Variants in HAPLN1 observed in about 807,000 individuals in gnomAD.
The protein encoded by HAPLN1 is Cartilage link protein.
In HAPLN1, 13 loss-of-function variants were observed where a neutral mutation model predicts 36.5. The observed-to-expected ratio is 0.36, with a 90% CI of 0.23 to 0.57. The LOEUF (loss-of-function observed/expected upper bound fraction) is 0.57, where lower values mean the gene tolerates loss of function less well. Ranked by LOEUF, HAPLN1 falls within the 20% of genes least tolerant of loss-of-function variation. The pLI, the probability that HAPLN1 is intolerant of heterozygous loss-of-function variation, is 0.83. For synonymous variants in HAPLN1, 202 were observed against 169.8 expected (o/e 1.19, Z -1.48); for missense variants, 407 against 439.7 (o/e 0.93, Z 0.66).
Position 83,688,642 on chromosome 5 carries a change from C to CTTTTTTTTTT in HAPLN1, c.-26-15103_-26-15094dup, listed in dbSNP as rs539790396. Among the ~76,000 whole-genome samples the CTTTTTTTTTT allele has an allele frequency of 3.0e-3, 241 of 80,600 alleles. 18 individuals are homozygous for CTTTTTTTTTT. The highest frequency in any genetic ancestry group is 0.01 in the Middle Eastern group (1 of 98). 52.9% of individuals were successfully genotyped at this position (80,600 alleles called of 152,430 possible). On this transcript the variant is annotated intron_variant, in intron 1 of 4. Coordinates refer to ENST00000274341, the MANE Select transcript of HAPLN1 (RefSeq NM_001884.4). ...TATTTGCCAAATGCAGCTTTTGATT[C>CTTTTTTTTTT]TTTTTTTTTTTTTTTTTTTTTTTTT...
At chr5:83,650,599 A>G (rs1023534116) in intron 3 of HAPLN1, among the ~76,000 whole-genome samples, 4 of 151,514 alleles carry the variant, frequency 2.6e-5, no homozygotes, top group African/African-American at 9.7e-5. Context: ...GAGATTTGCA[A>G]TGGTGCAGAG....
chr5:83,705,387 C>CAAAA lies in HAPLN1; in HGVS notation c.-27+15398_-27+15401dup, dbSNP rs762927081. Among the ~76,000 whole-genome samples, 756 of 84,864 alleles carry CAAAA rather than the reference C, an allele frequency of 8.9e-3. 3 individuals carry two copies. Among genetic ancestry groups the CAAAA allele is most frequent in the African/African-American group, 0.019 (388 of 20,704 alleles). The allele number at this position is 84,864 out of a possible 152,430, so 55.7% of individuals were successfully genotyped here. A position where few individuals can be genotyped will look rare whatever the true frequency, so the allele number is the denominator to read the frequency against. On this transcript the variant is annotated intron_variant, in intron 1 of 4. Transcript: ENST00000274341. ...CCTGGGTGACAAGAGTGAAACGTCACAAAAAAAAAAAAAAAAAAAAAAGAA... is the reference window on the plus strand; with the variant it reads ...CCTGGGTGACAAGAGTGAAACGTCACAAAAAAAAAAAAAAAAAAAAAAAAAAGAA...
chr5:83,692,112 T>G (rs1751290089), intron 1 of HAPLN1, among the ~76,000 whole-genome samples: 1 of 151,696 alleles, frequency 6.6e-6, no homozygotes, highest in Admixed American at 6.6e-5. Flanking sequence ...GAAAAATGAC[T>G]GAAAACTAAA....
intron 1 of HAPLN1, among the ~76,000 whole-genome samples, chr5:83,677,287 G>A (rs1198270520): frequency 6.6e-6 from 1 of 152,180 alleles, no homozygotes; most frequent in Non-Finnish European, 1.5e-5. Context: ...ACAAGGAGCT[G>A]GTAGTCTGGG....
At chr5:83,699,476 T>C (rs1042098216) in intron 1 of HAPLN1, among the ~76,000 whole-genome samples, 1 of 152,212 alleles carries the variant, frequency 6.6e-6, no homozygotes, top group Non-Finnish European at 1.5e-5. Flanking sequence ...GAGAGATCTT[T>C]AATCAAAAGG....
intron 2 of HAPLN1, among the ~76,000 whole-genome samples, chr5:83,660,685 T>C (rs148022384): frequency 6.6e-6 from 1 of 152,306 alleles, no homozygotes; most frequent in East Asian, 1.9e-4. Flanking sequence ...TTGATAAAGT[T>C]GTTTGTGGCT....
intron 1 of HAPLN1, among the ~76,000 whole-genome samples, chr5:83,681,500 T>TTTAA (rs532759434): frequency 3.3e-5 from 5 of 152,232 alleles, no homozygotes; most frequent in South Asian, 4.1e-4. Flanking sequence ...ATCATTTTAT[T>TTTAA]TTAATTAATT....
chr5:83,650,779 C>T (rs554187707), intron 3 of HAPLN1, among the ~76,000 whole-genome samples: 6 of 151,810 alleles, frequency 4.0e-5, no homozygotes, highest in African/African-American at 9.7e-5. Context: ...GGACTACAGG[C>T]GCCTGCCACC....
Position 83,640,513 on chromosome 5 carries a change from T to A in HAPLN1, c.*983A>T, listed in dbSNP as rs1034508153. On this transcript the variant is annotated 3_prime_UTR_variant, in exon 5 of 5. Transcript: ENST00000274341. ...GCATCTTTGTTTCTGCATTAGGGATTCCTTTTATAATGTAATTGATTTTCA... is the reference window on the plus strand; with the variant it reads ...GCATCTTTGTTTCTGCATTAGGGATACCTTTTATAATGTAATTGATTTTCA... 16 of 152,186 alleles carry A rather than the reference T, an allele frequency of 1.1e-4. No homozygotes were observed. The highest frequency in any genetic ancestry group is 3.4e-4 in the African/African-American group (14 of 41,462). 9.4% of individuals were successfully genotyped at this position (152,186 alleles called of 1,614,324 possible).
intron 3 of HAPLN1, among the ~76,000 whole-genome samples, chr5:83,645,475 C>CTTTTTTTTTTCTT: frequency 1.3e-5 from 1 of 74,334 alleles, no homozygotes; most frequent in East Asian, 3.3e-4. Context: ...CTTTTTCTTT[C>CTTTTTTTTTTCTT]TTTTTTTTTT....
intron 3 of HAPLN1, chr5:83,652,227 C>T (rs1750082750): frequency 2.2e-6 from 1 of 447,058 alleles, no homozygotes; most frequent in Admixed American, 3.9e-5. Flanking sequence ...GCACGTTTCT[C>T]CTAGTTACAA....
intron 1 of HAPLN1, among the ~76,000 whole-genome samples, chr5:83,709,227 A>C (rs539521518): frequency 6.6e-6 from 1 of 152,336 alleles, no homozygotes; most frequent in Admixed American, 6.5e-5. Flanking sequence ...TAAATGTGTA[A>C]GTAGTGTGCT....
At chr5:83,660,221 A>G (rs144635680) in intron 2 of HAPLN1, among the ~76,000 whole-genome samples, 1 of 152,176 alleles carries the variant, frequency 6.6e-6, no homozygotes, top group African/African-American at 2.4e-5. Flanking sequence ...TAAATGGATT[A>G]TGTGATGGGA....
In HAPLN1 at chr5:83,652,610, A is replaced by G; in HGVS notation, c.315T>C (p.Tyr105=). Residue 105 remains tyrosine (Y), a synonymous_variant, in exon 3 of 5, where the codon TAT becomes TAC. Transcript: ENST00000274341. ...GAAACACTCTACCCTGGTAGCCTCC[A>G]TAGGTTTTTTTGTGGTATCCCATGG... ...FVSMGYHKKT[Y]GGYQGRVFLK... 1 of 1,614,152 alleles carries G rather than the reference A, an allele frequency of 6.2e-7. No individual in the cohort carries two copies. The highest frequency in any genetic ancestry group is 1.1e-5 in the South Asian group (1 of 91,088).
Position 83,641,705 on chromosome 5 carries a change from T to A in HAPLN1, c.856A>T (p.Ile286Phe). The change falls in exon 5 of 5, where the codon ATT (isoleucine) becomes TTT (phenylalanine). Residue 286 changes from isoleucine (I) to phenylalanine (F), a missense_variant. Transcript: ENST00000274341. ...GCAAATATCTGGCCCACTTTTGCAA[T>A]CTGAGCACCATCATTGAGACAAGCT... ...VQACLNDGAQ[I>F]AKVGQIFAAW... 1 of 1,614,180 alleles carries A rather than the reference T, an allele frequency of 6.2e-7. No individual in the cohort carries two copies. Among genetic ancestry groups the A allele is most frequent in the Non-Finnish European group, 8.5e-7 (1 of 1,180,030 alleles).
intron 1 of HAPLN1, among the ~76,000 whole-genome samples, chr5:83,687,704 T>C (rs921534270): frequency 1.3e-5 from 2 of 152,364 alleles, no homozygotes; most frequent in African/African-American, 4.8e-5. Context: ...CATAACTGTT[T>C]TGCAAGTTAT....
chr5:83,661,695 G>C (rs1231518079), intron 2 of HAPLN1, among the ~76,000 whole-genome samples: 2 of 151,980 alleles, frequency 1.3e-5, no homozygotes, highest in Non-Finnish European at 2.9e-5. Context: ...CGCCCGCCTC[G>C]GCCTCCCAAA....
intron 1 of HAPLN1, among the ~76,000 whole-genome samples, chr5:83,701,386 G>A (rs1454994128): frequency 6.6e-6 from 1 of 152,202 alleles, no homozygotes; most frequent in African/African-American, 2.4e-5. Flanking sequence ...GAAATGAATT[G>A]CCCTGTGAAG....
chr5:83,659,261 G>A lies in HAPLN1; in HGVS notation c.101-6437C>T, dbSNP rs946386939. Among the ~76,000 whole-genome samples, 9 of 147,916 alleles carry A rather than the reference G, an allele frequency of 6.1e-5. 1 individual carries two copies. Among genetic ancestry groups the A allele is most frequent in the African/African-American group, 2.0e-4 (8 of 39,654 alleles). On this transcript the variant is annotated intron_variant, in intron 2 of 4. Transcript: ENST00000274341. ...TGCACTCCAGCCTGGGTGACAGAGCGAGACTTCATCTTAAAAAAAAAAAAA... is the reference window on the plus strand; with the variant it reads ...TGCACTCCAGCCTGGGTGACAGAGCAAGACTTCATCTTAAAAAAAAAAAAA...
Sources: gnomAD v4.1 joint callset for allele counts (sites outside exome capture counted in the v4.1 genomes callset) on GRCh38, gnomAD v4.1.1 for gene constraint, MANE v1.5 for transcripts, NCBI Gene and HGNC (gene_info 2026-07-23, HGNC 2026-07-21) for gene names.